Variants in CTTNBP2 observed in about 807,000 individuals in gnomAD.
The protein encoded by CTTNBP2 is cortactin-binding protein 2.
Under a neutral mutation model 156.9 loss-of-function variants are expected in CTTNBP2, and 108 were observed. That is an observed-to-expected ratio of 0.69 (90% CI 0.59 to 0.81). CTTNBP2 has a LOEUF of 0.81. CTTNBP2 is among the 30% of genes least tolerant of loss of function. The pLI is 0.00. For missense variants in CTTNBP2, 1,924 were observed against 2,035.4 expected (o/e 0.95, Z 1.05); for synonymous variants, 767 against 751.8 (o/e 1.02, Z -0.33).
At chr7:117,739,949 C>T (rs777483864) in intron 14 of CTTNBP2, among the ~76,000 whole-genome samples, 1 of 152,128 alleles carries the variant, frequency 6.6e-6, no homozygotes, top group Non-Finnish European at 1.5e-5. Context: ...TTAAAATACC[C>T]ATCTAGTGTT....
chr7:117,794,086 C>T (rs944058606), intron 3 of CTTNBP2, among the ~76,000 whole-genome samples: 1 of 152,200 alleles, frequency 6.6e-6, no homozygotes, highest in African/African-American at 2.4e-5. Flanking sequence ...CACAGTGGTG[C>T]TTAATAAATT....
intron 6 of CTTNBP2, 86 bp downstream of exon 6, chr7:117,782,776 A>T (rs1798500079): frequency 1.2e-6 from 1 of 806,762 alleles, no homozygotes; most frequent in African/African-American, 1.7e-5. Context: ...ACTAGTTTAC[A>T]CATTCAGCCG....
At chr7:117,860,217 T>TA (rs1803620592) in intron 2 of CTTNBP2, among the ~76,000 whole-genome samples, 1 of 151,990 alleles carries the variant, frequency 6.6e-6, no homozygotes, top group Non-Finnish European at 1.5e-5. Context: ...AAGTATTAAA[T>TA]AGAAAAGAAG....
At chr7:117,813,385 C>G (rs182525930) in intron 2 of CTTNBP2, among the ~76,000 whole-genome samples, 4 of 152,188 alleles carry the variant, frequency 2.6e-5, no homozygotes, top group Admixed American at 6.5e-5. Flanking sequence ...GACAAGGGGC[C>G]CTTCTAAATG....
At chr7:117,812,907 G>T (rs927094825) in intron 2 of CTTNBP2, among the ~76,000 whole-genome samples, 1 of 152,012 alleles carries the variant, frequency 6.6e-6, no homozygotes, top group Non-Finnish European at 1.5e-5. Context: ...ATCTTCATTC[G>T]GTGGTACGGC....
At chr7:117,838,667 C>G (rs1802093891) in intron 2 of CTTNBP2, among the ~76,000 whole-genome samples, 1 of 152,076 alleles carries the variant, frequency 6.6e-6, no homozygotes, top group African/African-American at 2.4e-5. Context: ...AGACTGGAGA[C>G]AGACGAATCT....
At position 117,837,870 on chromosome 7, in the gene CTTNBP2, A is replaced by C. The variant is rs533026537; in HGVS notation, c.189+23339T>G. Among the ~76,000 whole-genome samples the C allele has an allele frequency of 2.6e-5, 4 of 152,274 alleles. No homozygotes were observed. In the South Asian group the frequency reaches 8.3e-4, roughly 32 times the overall value. On this transcript the variant is annotated intron_variant, in intron 2 of 22. Transcript: ENST00000160373. ...TAAAGGACCGCCCAGATACCCCAGA[A>C]AAGTGACATCCACCTGACACTGTAA... is the stretch of plus-strand genomic sequence containing the variant.
chr7:117,842,572 T>C (rs973664453), intron 2 of CTTNBP2, among the ~76,000 whole-genome samples: 1 of 150,528 alleles, frequency 6.6e-6, no homozygotes, highest in African/African-American at 2.4e-5. Context: ...TACTCCAGGG[T>C]CCATAGAAAC....
At chr7:117,793,990 C>T (rs1799177431) in intron 3 of CTTNBP2, among the ~76,000 whole-genome samples, 1 of 152,222 alleles carries the variant, frequency 6.6e-6, no homozygotes, top group Non-Finnish European at 1.5e-5. Context: ...CCTTTGTTCA[C>T]TACCTGCCTG....
intron 5 of CTTNBP2, among the ~76,000 whole-genome samples, chr7:117,783,949 GATAATTAGACTTTCTC>G (rs1248673703): frequency 2.5e-4 from 38 of 152,064 alleles, no homozygotes. Context: ...CTAAAGTTCT[GATAATTAGACTTTCTC>G]ATATATCAGG....
At chr7:117,793,148 G>C (rs1799128800) in intron 3 of CTTNBP2, among the ~76,000 whole-genome samples, 1 of 151,994 alleles carries the variant, frequency 6.6e-6, no homozygotes, top group South Asian at 2.1e-4. Context: ...TTTTAAAAAA[G>C]GTTTAATGCT....
chr7:117,814,614 G>C (rs1800473954), intron 2 of CTTNBP2, among the ~76,000 whole-genome samples: 1 of 152,118 alleles, frequency 6.6e-6, no homozygotes, highest in South Asian at 2.1e-4. Context: ...TTTTGGTAGA[G>C]ATGAAGTCTC....
intron 14 of CTTNBP2, among the ~76,000 whole-genome samples, chr7:117,741,204 T>C (rs1401458812): frequency 2.0e-5 from 3 of 151,810 alleles, no homozygotes; most frequent in Non-Finnish European, 4.4e-5. Flanking sequence ...TAATAGGTGA[T>C]GGGGGAATGG....
At chr7:117,850,816 G>A (rs1157139598) in intron 2 of CTTNBP2, among the ~76,000 whole-genome samples, 1 of 152,120 alleles carries the variant, frequency 6.6e-6, no homozygotes, top group Admixed American at 6.5e-5. Context: ...AACTTATTAT[G>A]GTTAGTGTTC....
intron 16 of CTTNBP2, 148 bp downstream of exon 16, chr7:117,734,765 C>T (rs34630325): frequency 0.015 from 7,937 of 524,762 alleles, 468 homozygotes; most frequent in African/African-American, 0.13. Context: ...ATGGGTTTCA[C>T]ATTCATTATG....
intron 14 of CTTNBP2, among the ~76,000 whole-genome samples, chr7:117,744,232 A>G (rs2116548364): frequency 6.6e-6 from 1 of 152,336 alleles, no homozygotes; most frequent in East Asian, 1.9e-4. Flanking sequence ...TATAGGTACA[A>G]TTATTACTGA....
chr7:117,760,631 T>A lies in CTTNBP2; in HGVS notation c.2976A>T (p.Glu992Asp). ...SNYGSDDLEC[E>D]NTICALNIRK... ...GGATATTTAAAGCACATATTGTGTT[T>A]TCACATTCCAAGTCATCAGAACCAT... The change falls in exon 10 of 23, where the codon GAA becomes GAT. Residue 992 changes from glutamate to aspartate, a missense_variant. Glu to Asp is a conservative substitution (Grantham distance 45). Coordinates refer to ENST00000160373, the MANE Select transcript of CTTNBP2 (RefSeq NM_033427.3). The A allele has an allele frequency of 6.2e-7, 1 of 1,614,100 alleles. No homozygotes were observed. Among genetic ancestry groups the A allele is most frequent in the Non-Finnish European group, 8.5e-7 (1 of 1,179,956 alleles).
intron 3 of CTTNBP2, among the ~76,000 whole-genome samples, chr7:117,799,145 A>G (rs920286640): frequency 7.9e-5 from 12 of 151,966 alleles, no homozygotes; most frequent in African/African-American, 2.9e-4. Context: ...CTTTCAGAAA[A>G]TAGAAAAGAC....
chr7:117,773,943 T>TC (rs975241828), intron 8 of CTTNBP2, among the ~76,000 whole-genome samples: 2 of 151,474 alleles, frequency 1.3e-5, no homozygotes, highest in African/African-American at 4.9e-5. Flanking sequence ...ATTCATGCAG[T>TC]CCCCCCAGTG....
Sources: gnomAD v4.1 joint callset for allele counts (sites outside exome capture counted in the v4.1 genomes callset) on GRCh38, gnomAD v4.1.1 for gene constraint, MANE v1.5 for transcripts, NCBI Gene and HGNC (gene_info 2026-07-23, HGNC 2026-07-21) for gene names.